The following ETV1 variants were observed in gnomAD, a reference collection of about 807,000 sequenced individuals.
The protein encoded by ETV1 is ETS variant transcription factor 1, also known as ETS translocation variant 1.
Under a neutral mutation model 62.3 loss-of-function variants are expected in ETV1, and 27 were observed. The observed-to-expected ratio is 0.43, with a 90% CI of 0.32 to 0.60. ETV1 has a LOEUF of 0.60. ETV1 is among the 20% of genes least tolerant of loss of function. The pLI is 0.06. For synonymous variants in ETV1, 222 were observed against 199.6 expected, an observed-to-expected ratio of 1.11 and a Z score of -0.94; for missense variants, 605 against 605.8, an observed-to-expected ratio of 1.00 and a Z score of 0.01.
intron 12 of ETV1, among the ~76,000 whole-genome samples, chr7:13,903,370 C>A (rs1003591150): frequency 6.6e-6 from 1 of 152,110 alleles, no homozygotes; most frequent in Non-Finnish European, 1.5e-5. Context: ...ACAATCAGGG[C>A]CTGGCTATCA....
rs748240043 is a variant in ETV1 at position 13,986,652 on chromosome 7, G to T, written c.167C>A (p.Thr56Lys). The T allele has an allele frequency of 6.2e-7, 1 of 1,612,246 alleles. No individual in the cohort carries two copies. Among genetic ancestry groups the T allele is most frequent in the South Asian group, 1.1e-5 (1 of 90,640 alleles). Residue 56 changes from threonine to lysine, a missense_variant, in exon 5 of 14, where the codon ACA becomes AAA. Physicochemically the swap from Thr to Lys is moderately conservative, Grantham distance 78. Transcript: ENST00000430479. ...TTTTGCCTTACCTTCTGCAAGCCAT[G>T]TTTCCTGTAATTGACTTAGATCTTG... ...LFQDLSQLQE[T>K]WLAEAQVPDN... is the part of the protein sequence containing the mutation.
In ETV1 at chr7:13,917,949, G is replaced by C. The variant is rs564716401; in HGVS notation, c.803-6642C>G. Reference sequence around the variant, plus strand: ...ACTGCACTCCAGCCTGGGAGGCTGAGTGAGACTCTGTCTCAGAAAAAAAAG... The same window carrying C: ...ACTGCACTCCAGCCTGGGAGGCTGACTGAGACTCTGTCTCAGAAAAAAAAG... On this transcript the variant is annotated intron_variant, in intron 9 of 13. Transcript: ENST00000430479. 2.3e-4 allele frequency among the ~76,000 whole-genome samples: 35 copies of C among 152,144 alleles called. No individual in the cohort carries two copies. In the South Asian group the frequency reaches 7.3e-3, roughly 32 times the overall value.
intron 6 of ETV1, among the ~76,000 whole-genome samples, chr7:13,949,994 GC>G (rs1788610576): frequency 6.6e-6 from 1 of 152,146 alleles, no homozygotes. Context: ...TACCCAGTCT[GC>G]CCCTGGAAGT....
intron 6 of ETV1, among the ~76,000 whole-genome samples, chr7:13,944,471 A>G (rs2128465228): frequency 6.6e-6 from 1 of 152,272 alleles, no homozygotes; most frequent in African/African-American, 2.4e-5. Flanking sequence ...CTCCATCTTC[A>G]TAACCTAATC....
At position 13,919,379 on chromosome 7, in the gene ETV1, T is replaced by A. The variant is rs530145000; in HGVS notation, c.803-8072A>T. Among the ~76,000 whole-genome samples the A allele has an allele frequency of 4.0e-5, 6 of 149,350 alleles. No homozygotes were observed. In the East Asian group the frequency reaches 7.8e-4, roughly 19 times the overall value. ...GAGCAGTGAAATGTACAGACCCACA[T>A]ACTAAAAAAAAAAATTACCAGAACA... On this transcript the variant is annotated intron_variant, in intron 9 of 13. Coordinates refer to ENST00000430479, the MANE Select transcript of ETV1 (RefSeq NM_004956.5).
At chr7:13,949,382 T>G (rs1336506118) in intron 6 of ETV1, among the ~76,000 whole-genome samples, 1 of 152,182 alleles carries the variant, frequency 6.6e-6, no homozygotes, top group African/African-American at 2.4e-5. Flanking sequence ...CCTCAATTAG[T>G]GCTCAGTTAA....
At chr7:13,983,995 A>C (rs1339603311) in intron 5 of ETV1, among the ~76,000 whole-genome samples, 1 of 151,930 alleles carries the variant, frequency 6.6e-6, no homozygotes, top group Non-Finnish European at 1.5e-5. Flanking sequence ...ATTTGGGGTA[A>C]AATTTATGAA....
At chr7:13,968,110 A>G (rs1430658520) in intron 6 of ETV1, among the ~76,000 whole-genome samples, 2 of 152,056 alleles carry the variant, frequency 1.3e-5, no homozygotes, top group Non-Finnish European at 2.9e-5. Context: ...GTCAAGTTCA[A>G]CCAAAGAAGG....
At chr7:13,944,829 T>G (rs773821492) in intron 6 of ETV1, among the ~76,000 whole-genome samples, 6 of 152,116 alleles carry the variant, frequency 3.9e-5, no homozygotes, top group Non-Finnish European at 8.8e-5. Flanking sequence ...TGAGCACTAA[T>G]CCAATATGAC....
intron 13 of ETV1, among the ~76,000 whole-genome samples, chr7:13,899,740 A>G (rs970196016): frequency 1.3e-5 from 2 of 152,218 alleles, no homozygotes; most frequent in Non-Finnish European, 2.9e-5. Context: ...ACAAATATCC[A>G]CGTTTTATCT....
At chr7:13,948,297 A>G (rs1268901797) in intron 6 of ETV1, among the ~76,000 whole-genome samples, 1 of 152,114 alleles carries the variant, frequency 6.6e-6, no homozygotes, top group Non-Finnish European at 1.5e-5. Context: ...TTTCCTCCCA[A>G]CTCTTGTCTT....
chr7:13,909,757 T>A, intron 10 of ETV1, 57 bp from the exon 11 acceptor site: 1 of 1,366,272 alleles, frequency 7.3e-7, no homozygotes, highest in Non-Finnish European at 1.0e-6. Flanking sequence ...CACAAACACT[T>A]AAAATATAAC....
At chr7:13,969,194 G>A (rs935047245) in intron 6 of ETV1, among the ~76,000 whole-genome samples, 1 of 152,136 alleles carries the variant, frequency 6.6e-6, no homozygotes, top group South Asian at 2.1e-4. Flanking sequence ...ACTAGAATTG[G>A]TTCCAGTATA....
intron 6 of ETV1, among the ~76,000 whole-genome samples, chr7:13,956,573 C>T (rs908479585): frequency 2.0e-5 from 3 of 152,174 alleles, no homozygotes; most frequent in African/African-American, 7.2e-5. Flanking sequence ...AATTAGATTA[C>T]TACATTAAGC....
chr7:13,902,076 A>G (rs1371069694), intron 12 of ETV1, among the ~76,000 whole-genome samples: 1 of 152,080 alleles, frequency 6.6e-6, no homozygotes, highest in Non-Finnish European at 1.5e-5. Context: ...TCCACTTTTT[A>G]TTAGTCTGAG....
intron 5 of ETV1, among the ~76,000 whole-genome samples, chr7:13,985,060 G>C (rs1193897880): frequency 2.0e-5 from 3 of 151,990 alleles, no homozygotes; most frequent in Non-Finnish European, 4.4e-5. Context: ...TGGAATCAAT[G>C]AGATTTAAAC....
At position 13,931,564 on chromosome 7, in the gene ETV1, C is replaced by A; in HGVS notation, c.740G>T (p.Ser247Ile). 1 of 1,614,034 alleles carries A rather than the reference C, an allele frequency of 6.2e-7. No homozygotes were observed. ...EHNTMVGSAASQSFPPPLMIK... is the reference protein window; with the variant it reads ...EHNTMVGSAAIQSFPPPLMIK... ...CATCAGAGGAGGGGGAAAGCTTTGG[C>A]TGGCCGCACTGCCAACCATGGTGTT... is the stretch of plus-strand genomic sequence containing the variant. The change falls in exon 9 of 14, where the codon AGC (serine) becomes ATC (isoleucine). Residue 247 changes from serine (S) to isoleucine (I), a missense_variant. Transcript: ENST00000430479.
chr7:13,939,137 T>C lies in ETV1; in HGVS notation c.345A>G (p.Glu115=). 2.5e-6 allele frequency: 4 copies of C among 1,613,290 alleles called. No individual in the cohort carries two copies. The highest frequency in any genetic ancestry group is 3.4e-6 in the Non-Finnish European group (4 of 1,179,682). The stretch of plus-strand genomic sequence containing the variant: ...TTTACCTGACATTGTACAGGCACTT[T>C]TCTCCATAGCTGAATTTAAAGGGCT... The part of the protein sequence containing the change: ...QEQPFKFSYG[E]KCLYNVSAYD... The change falls in exon 7 of 14, where the codon GAA becomes GAG. Residue 115 remains glutamate (E), a synonymous_variant. Coordinates refer to ENST00000430479, the MANE Select transcript of ETV1 (RefSeq NM_004956.5).
At position 13,891,759 on chromosome 7, in the gene ETV1, A is replaced by G; in HGVS notation, c.*4107T>C. The G allele has an allele frequency of 4.3e-6, 1 of 232,052 alleles. No individual in the cohort carries two copies. Among genetic ancestry groups the G allele is most frequent in the East Asian group, 6.1e-5 (1 of 16,302 alleles). The allele number at this position is 232,052 out of a possible 1,614,324, so 14.4% of individuals were successfully genotyped here. ...CTTAATATGTACATTTGCCTTCTTT[A>G]TATTTTTTCCACCATCACTTTTACC... On this transcript the variant is annotated 3_prime_UTR_variant, in exon 14 of 14. Transcript: ENST00000430479.
Sources: gnomAD v4.1 joint callset for allele counts (sites outside exome capture counted in the v4.1 genomes callset) on GRCh38, gnomAD v4.1.1 for gene constraint, MANE v1.5 for transcripts, NCBI Gene and HGNC (gene_info 2026-07-23, HGNC 2026-07-21) for gene names.